ODAD4: variants seen among roughly 807,000 people sequenced by gnomAD.
The protein encoded by ODAD4 is outer dynein arm docking complex subunit 4.
A neutral mutation model predicts 51.8 loss-of-function variants in ODAD4; 49 were observed. The observed-to-expected ratio is 0.95, with a 90% CI of 0.75 to 1.20. The LOEUF is 1.20. Among genes scored for constraint, ODAD4 ranks in the 50% most tolerant of loss-of-function variants. The probability of loss-of-function intolerance (pLI) is 0.00; values close to 1 mark genes in which losing one functional copy is unlikely to be tolerated. For missense variants in ODAD4, 590 were observed against 586.5 expected (o/e 1.01, Z -0.06); for synonymous variants, 235 against 221.3 (o/e 1.06, Z -0.55).
intron 9 of ODAD4, chr17:41,954,916 C>G: frequency 2.7e-6 from 1 of 369,960 alleles, no homozygotes; most frequent in Non-Finnish European, 5.2e-6. Flanking sequence ...GCGGTTTTCT[C>G]CTCCACTCTG....
At chr17:41,931,950 G>A (rs764897686) in intron 1 of ODAD4, among the ~76,000 whole-genome samples, 6 of 134,328 alleles carry the variant, frequency 4.5e-5, no homozygotes, top group Non-Finnish European at 7.8e-5. Flanking sequence ...TTTTGGAGAC[G>A]TAGTCTTGCT....
At chr17:41,935,505 C>T in intron 2 of ODAD4, 94 bp from the exon 3 acceptor site, 1 of 1,519,890 alleles carries the variant, frequency 6.6e-7, no homozygotes, top group Non-Finnish European at 8.9e-7. Flanking sequence ...TGTATTCCAA[C>T]CTTGACCTTC....
chr17:41,939,442 A>C (rs535908125), intron 7 of ODAD4, among the ~76,000 whole-genome samples: 1 of 152,192 alleles, frequency 6.6e-6, no homozygotes, highest in Non-Finnish European at 1.5e-5. Flanking sequence ...ATATTCTTAC[A>C]TCAGCTTAAC....
intron 2 of ODAD4, 78 bp downstream of exon 2, chr17:41,935,426 A>G: frequency 6.4e-7 from 1 of 1,567,708 alleles, no homozygotes. Flanking sequence ...TTACAAGTAG[A>G]ACCAGCCAGA....
At chr17:41,963,965 C>T (rs371084401) in intron 11 of ODAD4, among the ~76,000 whole-genome samples, 21 of 151,682 alleles carry the variant, frequency 1.4e-4, no homozygotes, top group East Asian at 9.7e-4. Flanking sequence ...GGCGCGATCT[C>T]GGCTCACTAC....
chr17:41,947,779 G>C (rs1335871915), intron 8 of ODAD4, among the ~76,000 whole-genome samples: 3 of 151,308 alleles, frequency 2.0e-5, no homozygotes, highest in Non-Finnish European at 4.4e-5. Flanking sequence ...TGGGCAACAA[G>C]AGCGAAACTC....
rs1158342629 is a variant in ODAD4, at chr17:41,944,391, TACACACACACACACACAC to T, written c.1059-708_1059-691del. 1.0e-3 allele frequency among the ~76,000 whole-genome samples: 79 copies of T among 78,762 alleles called. 2 individuals are homozygous for T. The highest frequency in any genetic ancestry group is 5.2e-3 in the African/African-American group (78 of 15,084). 51.7% of individuals were successfully genotyped at this position (78,762 alleles called of 152,430 possible). A position where few individuals can be genotyped will look rare whatever the true frequency, so the allele number is the denominator to read the frequency against. On this transcript the variant is annotated intron_variant, in intron 7 of 11. Coordinates refer to ENST00000377540, the MANE Select transcript of ODAD4 (RefSeq NM_031421.5). ...AAAACAAACAAACCCCAAACACACA[TACACACACACACACACAC>T]ACACACACACACACACACACACACA... is the stretch of plus-strand genomic sequence containing the variant.
At chr17:41,940,095 C>T (rs542389873) in intron 7 of ODAD4, among the ~76,000 whole-genome samples, 155 of 152,280 alleles carry the variant, frequency 1.0e-3, no homozygotes, top group South Asian at 2.3e-3. Flanking sequence ...CCTGGTTCTA[C>T]CCTTTGGAGT....
intron 11 of ODAD4, among the ~76,000 whole-genome samples, chr17:41,962,902 G>A (rs147495242): frequency 5.9e-5 from 9 of 152,318 alleles, no homozygotes; most frequent in Non-Finnish European, 1.0e-4. Flanking sequence ...GCAGGGCAGC[G>A]GGAGGTTTCT....
intron 1 of ODAD4, among the ~76,000 whole-genome samples, chr17:41,932,436 A>G (rs1555637059): frequency 6.6e-6 from 1 of 152,200 alleles, no homozygotes; most frequent in Non-Finnish European, 1.5e-5. Flanking sequence ...TCGCTAAACT[A>G]GCAAGTGGCA....
At position 41,933,517 on chromosome 17, in the gene ODAD4, T is replaced by C. The variant is rs559193264; in HGVS notation, c.115-1700T>C. On this transcript the variant is annotated intron_variant, in intron 1 of 11. Coordinates refer to ENST00000377540, the MANE Select transcript of ODAD4 (RefSeq NM_031421.5). ...AATACAAAAAATCAACCGGACGTGG[T>C]GGCGAGTGCCTGTAATCCCAGCTAC... Among the ~76,000 whole-genome samples the C allele has an allele frequency of 5.3e-5, 8 of 152,044 alleles. No homozygotes were observed. In the South Asian group the frequency reaches 1.7e-3, roughly 32 times the overall value.
At chr17:41,943,760 G>A (rs2050539412) in intron 7 of ODAD4, among the ~76,000 whole-genome samples, 1 of 152,172 alleles carries the variant, frequency 6.6e-6, no homozygotes, top group South Asian at 2.1e-4. Context: ...CCTGAGACCA[G>A]GAGTTTGAGA....
At chr17:41,964,559 G>A (rs1169063763) in intron 11 of ODAD4, among the ~76,000 whole-genome samples, 8 of 152,148 alleles carry the variant, frequency 5.3e-5, no homozygotes, top group Admixed American at 2.0e-4. Flanking sequence ...TAAAGAGCTG[G>A]CAAAAACAGT....
At chr17:41,938,532 G>T (rs782756874) in intron 5 of ODAD4, 25 bp from the exon 6 acceptor site, 4 of 1,600,838 alleles carry the variant, frequency 2.5e-6, no homozygotes, top group South Asian at 2.2e-5. Flanking sequence ...TCTCCTTGGC[G>T]CCTCCTCACA....
At chr17:41,942,513 G>A (rs201297520) in intron 7 of ODAD4, among the ~76,000 whole-genome samples, 5 of 152,160 alleles carry the variant, frequency 3.3e-5, no homozygotes, top group African/African-American at 7.2e-5. Context: ...CATTCAACTC[G>A]CCAGAACAGA....
In ODAD4 at chr17:41,939,140, C is replaced by A. The variant is rs2050471651; in HGVS notation, c.1026C>A (p.Ser342Arg). 3 of 1,613,776 alleles carry A rather than the reference C, an allele frequency of 1.9e-6. No homozygotes were observed. In the African/African-American group the frequency reaches 4.0e-5, roughly 22 times the overall value. The change falls in exon 7 of 12, where the codon AGC (serine) becomes AGA (arginine). Residue 342 changes from serine to arginine, a missense_variant. Physicochemically the swap from Ser to Arg is moderately radical, Grantham distance 110. Around this residue, in one of 3 missense-constraint regions of ODAD4, gnomAD observed 4 missense variants for 16.3 expected, o/e 0.25. Transcript: ENST00000377540. The part of the protein sequence containing the change: ...ELGQMEAALQ[S>R]HRKDLEIAKE... ...GGCAGATGGAGGCAGCCCTGCAGAG[C>A]CACAGAAAGGACCTGGAGATCGCCA...
intron 10 of ODAD4, among the ~76,000 whole-genome samples, chr17:41,959,173 C>T (rs2050772606): frequency 6.6e-6 from 1 of 152,166 alleles, no homozygotes; most frequent in Non-Finnish European, 1.5e-5. Flanking sequence ...GGCTCCCCCA[C>T]CCCACCCACT....
At chr17:41,952,603 AC>A (rs1205944486) in intron 9 of ODAD4, 1 of 460,836 alleles carries the variant, frequency 2.2e-6, no homozygotes, top group Admixed American at 2.2e-5. Flanking sequence ...TGAATGATTT[AC>A]TCTCTTGAAT....
chr17:41,941,878 T>C (rs1555638754), intron 7 of ODAD4, among the ~76,000 whole-genome samples: 1 of 152,180 alleles, frequency 6.6e-6, no homozygotes, highest in African/African-American at 2.4e-5. Context: ...TGTTAGACTT[T>C]GGACTTTGGA....
Sources: gnomAD v4.1 joint callset for allele counts (sites outside exome capture counted in the v4.1 genomes callset) on GRCh38, gnomAD v4.1.1 for gene constraint, gnomAD v4.1.1 regional missense constraint, MANE v1.5 for transcripts, NCBI Gene and HGNC (gene_info 2026-07-23, HGNC 2026-07-21) for gene names.